INTS3: variants seen among roughly 807,000 people sequenced by gnomAD.
INTS3 encodes the protein SOSS complex subunit A.
Under a neutral mutation model 146.3 loss-of-function variants are expected in INTS3, and 34 were observed. That is an observed-to-expected ratio of 0.23 (90% CI 0.18 to 0.31). The LOEUF is 0.31. INTS3 is among the 10% of genes least tolerant of loss of function. The pLI is 1.00. For synonymous variants in INTS3, 475 were observed against 494.9 expected (o/e 0.96, Z 0.53); for missense variants, 757 against 1,304.2 (o/e 0.58, Z 6.46).
intron 3 of INTS3, 180 bp from the exon 4 acceptor site, chr1:153,746,777 G>C: frequency 1.7e-6 from 1 of 577,150 alleles, no homozygotes; most frequent in South Asian, 2.2e-5. Flanking sequence ...CAAGGGATAG[G>C]TTGGGAATGC....
In INTS3 at chr1:153,769,341, G is replaced by A. The variant is rs186992601; in HGVS notation, c.2313+380G>A. On this transcript the variant is annotated intron_variant, in intron 22 of 29. Coordinates refer to ENST00000318967, the MANE Select transcript of INTS3 (RefSeq NM_023015.5). ...TGCATAAGGTCCCCAAGAGGCTGTAGCTTTGCTCGGGTCCTTCTGAGGCCT... is the reference window on the plus strand; with the variant it reads ...TGCATAAGGTCCCCAAGAGGCTGTAACTTTGCTCGGGTCCTTCTGAGGCCT... Among the ~76,000 whole-genome samples the A allele has an allele frequency of 1.3e-5, 2 of 152,282 alleles. 1 individual carries two copies. The highest frequency in any genetic ancestry group is 1.3e-4 in the Admixed American group (2 of 15,288).
chr1:153,757,437 C>T lies in INTS3; in HGVS notation c.958-135C>T. 1 of 653,166 alleles carries T rather than the reference C, an allele frequency of 1.5e-6. No individual in the cohort carries two copies. Among genetic ancestry groups the T allele is most frequent in the Non-Finnish European group, 2.6e-6 (1 of 383,184 alleles). The allele number at this position is 653,166 out of a possible 1,614,324, so 40.5% of individuals were successfully genotyped here. A position where few individuals can be genotyped will look rare whatever the true frequency, so the allele number is the denominator to read the frequency against. On this transcript the variant is annotated intron_variant, in intron 9 of 29. Transcript: ENST00000318967. This position sits in a 1 kb window ranked among gnomAD's most constrained non-coding sequence, Gnocchi z 4.0. Reference sequence around the variant, plus strand: ...CCTAAAGGAGGGGAGACTTACGAGACAGTATGAGCTAATGAATGAATTGTG... The same window carrying T: ...CCTAAAGGAGGGGAGACTTACGAGATAGTATGAGCTAATGAATGAATTGTG...
At chr1:153,758,686 G>A (rs1672256710) in intron 10 of INTS3, among the ~76,000 whole-genome samples, 1 of 151,684 alleles carries the variant, frequency 6.6e-6, no homozygotes, top group African/African-American at 2.4e-5. Context: ...GTGTGCGGCT[G>A]TAGTCCCAGG....
rs185761266 is a variant in INTS3, at chr1:153,739,866, C to T, written c.151-785C>T. ...CTGGAGTGCAGTGGCATGATGTCTGCTCACTGCAACCTCTGCCTCCCGGGT... is the reference window on the plus strand; with the variant it reads ...CTGGAGTGCAGTGGCATGATGTCTGTTCACTGCAACCTCTGCCTCCCGGGT... On this transcript the variant is annotated intron_variant, in intron 1 of 29. Transcript: ENST00000318967. Among the ~76,000 whole-genome samples, 610 of 151,844 alleles carry T rather than the reference C, an allele frequency of 4.0e-3. 8 individuals are homozygous for T. The highest frequency in any genetic ancestry group is 0.014 in the African/African-American group (587 of 41,384).
chr1:153,758,703 T>C (rs941589134), intron 10 of INTS3, among the ~76,000 whole-genome samples: 5 of 149,732 alleles, frequency 3.3e-5, no homozygotes, highest in African/African-American at 1.2e-4. Context: ...CAGGCTGAGG[T>C]GAGAGGACCG....
intron 16 of INTS3, 122 bp from the exon 17 acceptor site, chr1:153,763,710 A>T: frequency 1.1e-6 from 1 of 872,252 alleles, no homozygotes; most frequent in East Asian, 2.6e-5. Context: ...CTGGGATTTT[A>T]CACAGAGCTC....
rs370777749 is a variant in INTS3 at position 153,728,183 on chromosome 1, C to G, written c.-452C>G. ...GGGCCGGATCCAAAGGCGCTGCACT[C>G]CCCAAGCCTTGGGGCATCAGCCAGG... On this transcript the variant is annotated 5_prime_UTR_variant, in exon 1 of 30. Transcript: ENST00000318967. The G allele has an allele frequency of 1.3e-5, 5 of 398,200 alleles. No homozygotes were observed. The highest frequency in any genetic ancestry group is 7.2e-5 in the East Asian group (2 of 27,966). The allele number at this position is 398,200 out of a possible 1,614,324, so 24.7% of individuals were successfully genotyped here. A position where few individuals can be genotyped will look rare whatever the true frequency, so the allele number is the denominator to read the frequency against.
At chr1:153,737,426 A>G (rs1671344213) in intron 1 of INTS3, among the ~76,000 whole-genome samples, 2 of 152,178 alleles carry the variant, frequency 1.3e-5, no homozygotes, top group African/African-American at 4.8e-5. Flanking sequence ...AACACATGAC[A>G]TGGTGGAGTT....
At chr1:153,747,177 T>A (rs1019077430) in intron 4 of INTS3, 102 bp from the exon 5 acceptor site, 2 of 1,271,076 alleles carry the variant, frequency 1.6e-6, no homozygotes, top group Non-Finnish European at 2.3e-6. Context: ...CCTATCATTG[T>A]GTGTCTAAAT....
At chr1:153,762,620 T>C in intron 14 of INTS3, 108 bp from the exon 15 acceptor site, 1 of 1,366,762 alleles carries the variant, frequency 7.3e-7, no homozygotes, top group South Asian at 1.4e-5. Flanking sequence ...ATTTAGATGA[T>C]AAACTCCTTA....
intron 14 of INTS3, 138 bp from the exon 15 acceptor site, chr1:153,762,590 C>A: frequency 9.7e-7 from 1 of 1,027,928 alleles, no homozygotes; most frequent in Non-Finnish European, 1.4e-6. Flanking sequence ...AGAGGTTTGT[C>A]CTCCCAGGGT....
intron 25 of INTS3, 91 bp downstream of exon 25, chr1:153,770,824 C>A (rs1233785116): frequency 1.0e-5 from 10 of 1,001,664 alleles, no homozygotes; most frequent in Non-Finnish European, 1.6e-5. Flanking sequence ...CTCCTTATTG[C>A]CATATTTTTT....
At chr1:153,760,706 C>T in intron 12 of INTS3, 121 bp from the exon 13 acceptor site, 1 of 811,394 alleles carries the variant, frequency 1.2e-6, no homozygotes. Context: ...GTCCAGTTCT[C>T]TCTGCAGCCA....
intron 11 of INTS3, 94 bp downstream of exon 11, chr1:153,759,707 T>C: frequency 1.2e-6 from 1 of 801,884 alleles, no homozygotes; most frequent in Non-Finnish European, 2.2e-6. Flanking sequence ...CAGGGCACCG[T>C]GGAGTGGAGG....
intron 8 of INTS3, among the ~76,000 whole-genome samples, chr1:153,752,801 G>A (rs1435591385): frequency 9.9e-5 from 15 of 152,110 alleles, no homozygotes; most frequent in Admixed American, 9.2e-4. Flanking sequence ...GCTGGAATTA[G>A]TCCTGTAAGA....
chr1:153,751,276 G>A, intron 7 of INTS3, 37 bp downstream of exon 7: 1 of 1,608,362 alleles, frequency 6.2e-7, no homozygotes. Flanking sequence ...GGGGAAGTGA[G>A]ACTCAGGCTA....
chr1:153,736,925 G>C (rs987715085), intron 1 of INTS3, among the ~76,000 whole-genome samples: 4 of 151,630 alleles, frequency 2.6e-5, no homozygotes, highest in Non-Finnish European at 5.9e-5. Flanking sequence ...CACCATGCCC[G>C]GCTAATTTTT....
chr1:153,744,112 C>T (rs1208639007), intron 3 of INTS3, among the ~76,000 whole-genome samples: 1 of 151,278 alleles, frequency 6.6e-6, no homozygotes, highest in Non-Finnish European at 1.5e-5. Context: ...AGCTGGTCAG[C>T]AAACCGACAC....
chr1:153,759,291 G>C (rs1432479524), intron 10 of INTS3, among the ~76,000 whole-genome samples: 1 of 149,950 alleles, frequency 6.7e-6, no homozygotes, highest in Non-Finnish European at 1.5e-5. Context: ...AAAAAAAAAG[G>C]TTCGGGGGGT....
Sources: gnomAD v4.1 joint callset for allele counts (sites outside exome capture counted in the v4.1 genomes callset) on GRCh38, gnomAD v4.1.1 for gene constraint, Gnocchi (gnomAD v3.1) non-coding constraint, MANE v1.5 for transcripts, NCBI Gene and HGNC (gene_info 2026-07-23, HGNC 2026-07-21) for gene names.